Variants in MED27 observed in about 807,000 individuals in gnomAD.
MED27 encodes mediator complex subunit 27.
In MED27, 30 loss-of-function variants were observed where a neutral mutation model predicts 38.2. The observed-to-expected ratio is 0.79, with a 90% CI of 0.59 to 1.07. The LOEUF (loss-of-function observed/expected upper bound fraction) is 1.07. Among genes scored for constraint, MED27 ranks in the 50% least tolerant of loss-of-function variants. MED27 has a pLI of 0.00. For synonymous variants in MED27, 122 were observed against 153.5 expected, an observed-to-expected ratio of 0.79 and a Z score of 1.52; for missense variants, 289 against 397.5, an observed-to-expected ratio of 0.73 and a Z score of 2.32.
intron 4 of MED27, among the ~76,000 whole-genome samples, chr9:131,910,683 A>T (rs183911561): frequency 6.6e-4 from 100 of 152,334 alleles, no homozygotes; most frequent in African/African-American, 2.2e-3. Context: ...CCATCTAAAC[A>T]ACACCGGCTA....
intron 6 of MED27, chr9:131,868,670 G>C: frequency 4.1e-6 from 4 of 985,504 alleles, no homozygotes; most frequent in Non-Finnish European, 4.8e-6. Context: ...GTGGGAGCCC[G>C]AACACTGGGA....
intron 6 of MED27, among the ~76,000 whole-genome samples, chr9:131,873,551 T>C (rs776202990): frequency 6.6e-6 from 1 of 152,154 alleles, no homozygotes; most frequent in African/African-American, 2.4e-5. Flanking sequence ...AGAGGAAACA[T>C]CGAAGCCCAC....
At position 132,014,380 on chromosome 9, in the gene MED27, G is replaced by A. The variant is rs1589266601; in HGVS notation, c.436C>T (p.Arg146Cys). The stretch of plus-strand genomic sequence containing the variant: ...GTTGTGGGCTGAGCCTTTGGTCTAC[G>A]TTTGGCAGATACTCCCATCTGATTA... ...SANQMGVSAK[R>C]RPKAQPTTLV... The change falls in exon 3 of 8, where the codon CGT becomes TGT. Residue 146 changes from arginine to cysteine, a missense_variant. Transcript: ENST00000292035. 3.1e-6 allele frequency: 5 copies of A among 1,613,248 alleles called. No homozygotes were observed. Among genetic ancestry groups the A allele is most frequent in the Non-Finnish European group, 4.2e-6 (5 of 1,179,960 alleles).
chr9:132,004,607 C>G (rs913619761), intron 3 of MED27, among the ~76,000 whole-genome samples: 2 of 152,188 alleles, frequency 1.3e-5, no homozygotes, highest in Non-Finnish European at 2.9e-5. Context: ...AGATCCAACC[C>G]TATCCATCCT....
At chr9:131,865,366 CAGCAA>C (rs1838719491) in intron 6 of MED27, among the ~76,000 whole-genome samples, 1 of 152,122 alleles carries the variant, frequency 6.6e-6, no homozygotes, top group South Asian at 2.1e-4. Flanking sequence ...CTACGAAACA[CAGCAA>C]AGCAAACTGG....
intron 6 of MED27, among the ~76,000 whole-genome samples, chr9:131,864,634 G>A (rs527747022): frequency 6.6e-6 from 1 of 152,384 alleles, no homozygotes; most frequent in South Asian, 2.1e-4. Flanking sequence ...CTGAACCCAT[G>A]CAGGCGCAGA....
At chr9:131,873,563 G>A (rs575783263) in intron 6 of MED27, among the ~76,000 whole-genome samples, 24 of 152,322 alleles carry the variant, frequency 1.6e-4, no homozygotes, top group Non-Finnish European at 2.9e-4. Flanking sequence ...GAAGCCCACA[G>A]GGACTTGGGA....
At chr9:131,882,489 T>C (rs1383293885) in intron 6 of MED27, among the ~76,000 whole-genome samples, 1 of 152,252 alleles carries the variant, frequency 6.6e-6, no homozygotes, top group African/African-American at 2.4e-5. Context: ...AAGAGTCCTG[T>C]GCTTCCTGGC....
At chr9:132,068,611 A>G (rs1833862586) in intron 2 of MED27, among the ~76,000 whole-genome samples, 1 of 152,064 alleles carries the variant, frequency 6.6e-6, no homozygotes, top group Non-Finnish European at 1.5e-5. Flanking sequence ...GATCTGTCAG[A>G]GGGTGTGAGG....
intron 3 of MED27, among the ~76,000 whole-genome samples, chr9:131,975,687 A>G (rs973132724): frequency 2.6e-5 from 4 of 152,198 alleles, no homozygotes; most frequent in African/African-American, 2.4e-5. Flanking sequence ...TAACGCAAAT[A>G]TGTAATAACT....
Position 132,026,791 on chromosome 9 carries a change from T to G in MED27, c.349-12324A>C, listed in dbSNP as rs184984330. On this transcript the variant is annotated intron_variant, in intron 2 of 7. Coordinates refer to ENST00000292035, the MANE Select transcript of MED27 (RefSeq NM_004269.4). ...GGCCTATCAATAAAAAAAAAAATAA[T>G]AACATTAGCTAATGTGTATACAGGA... Among the ~76,000 whole-genome samples, 9 of 152,256 alleles carry G rather than the reference T, an allele frequency of 5.9e-5. No homozygotes were observed. In the East Asian group the frequency reaches 1.7e-3, roughly 29 times the overall value.
intron 3 of MED27, among the ~76,000 whole-genome samples, chr9:132,001,761 C>G (rs541754106): frequency 3.1e-4 from 47 of 152,330 alleles, no homozygotes; most frequent in African/African-American, 1.1e-3. Context: ...ACATTCCCCC[C>G]ACAATGCTCA....
intron 2 of MED27, among the ~76,000 whole-genome samples, chr9:132,066,444 C>T (rs1403141479): frequency 1.3e-5 from 2 of 152,172 alleles, no homozygotes; most frequent in Non-Finnish European, 2.9e-5. Context: ...ACAAGTTTGG[C>T]AACGTGATAA....
chr9:131,936,503 C>T (rs2130963085), intron 4 of MED27, among the ~76,000 whole-genome samples: 1 of 152,346 alleles, frequency 6.6e-6, no homozygotes, highest in Admixed American at 6.5e-5. Flanking sequence ...TGTGGGGCTG[C>T]CAAGGCCTGA....
chr9:131,909,500 G>A (rs1830149123), intron 4 of MED27, among the ~76,000 whole-genome samples: 1 of 152,236 alleles, frequency 6.6e-6, no homozygotes, highest in Non-Finnish European at 1.5e-5. Context: ...CTCTTGATAA[G>A]GCAGATTCAA....
chr9:131,984,041 C>T (rs1831797357), intron 3 of MED27, among the ~76,000 whole-genome samples: 1 of 152,120 alleles, frequency 6.6e-6, no homozygotes, highest in African/African-American at 2.4e-5. Context: ...GTCTTTACCC[C>T]CTTATGTCAC....
intron 3 of MED27, among the ~76,000 whole-genome samples, chr9:132,000,493 G>T (rs558408994): frequency 6.6e-6 from 1 of 152,000 alleles, no homozygotes; most frequent in Non-Finnish European, 1.5e-5. Flanking sequence ...CCTAGCTATT[G>T]TACTCCTCAA....
chr9:131,892,720 G>A (rs553417347), intron 5 of MED27, among the ~76,000 whole-genome samples: 5 of 152,304 alleles, frequency 3.3e-5, no homozygotes, highest in African/African-American at 1.2e-4. Context: ...CTCTCCTGCT[G>A]ACCAACAGTG....
chr9:131,999,565 A>C (rs538272320), intron 3 of MED27, among the ~76,000 whole-genome samples: 4 of 152,336 alleles, frequency 2.6e-5, no homozygotes, highest in Non-Finnish European at 4.4e-5. Context: ...TCCTTAAGGG[A>C]AGGTTATTCA....
Sources: gnomAD v4.1 joint callset for allele counts (sites outside exome capture counted in the v4.1 genomes callset) on GRCh38, gnomAD v4.1.1 for gene constraint, MANE v1.5 for transcripts, NCBI Gene and HGNC (gene_info 2026-07-23, HGNC 2026-07-21) for gene names.